The following BCL2L13 variants were observed in gnomAD, a reference collection of about 807,000 sequenced individuals.
The protein encoded by BCL2L13 is BCL2 like 13.
Under a neutral mutation model 25.8 loss-of-function variants are expected in BCL2L13, and 13 were observed. The ratio of observed to expected loss-of-function variants is 0.50; its 90% CI spans 0.33 to 0.80. BCL2L13 has a LOEUF of 0.80. BCL2L13 is among the 30% of genes least tolerant of loss of function. The pLI is 0.02. For synonymous variants in BCL2L13, 244 were observed against 230.3 expected (o/e 1.06, Z -0.54); for missense variants, 504 against 574.9 (o/e 0.88, Z 1.26).
intron 3 of BCL2L13, among the ~76,000 whole-genome samples, chr22:17,687,820 T>TA (rs1215047153): frequency 7.3e-6 from 1 of 136,328 alleles, no homozygotes; most frequent in Non-Finnish European, 1.6e-5. Context: ...CCCGGCCCCT[T>TA]TTTTTTTTTT....
chr22:17,708,266 CA>C (rs1861764006), intron 6 of BCL2L13, among the ~76,000 whole-genome samples: 2 of 150,454 alleles, frequency 1.3e-5, no homozygotes, highest in South Asian at 4.3e-4. Flanking sequence ...GCCATTAACT[CA>C]AAAGGTACTA....
At chr22:17,706,946 G>A (rs1033221970) in intron 6 of BCL2L13, 12 of 701,692 alleles carry the variant, frequency 1.7e-5, no homozygotes, top group African/African-American at 3.7e-5. Context: ...TAATATTTAA[G>A]TATTTTGAAT....
chr22:17,635,247 A>G (rs1246910974), upstream of BCL2L13, among the ~76,000 whole-genome samples: 1 of 151,874 alleles, frequency 6.6e-6, no homozygotes, highest in African/African-American at 2.4e-5. Context: ...AAAAAATTAA[A>G]TAAAAAAGGG....
intron 6 of BCL2L13, among the ~76,000 whole-genome samples, chr22:17,708,583 G>A (rs2060654848): frequency 6.6e-6 from 1 of 152,146 alleles, no homozygotes; most frequent in Non-Finnish European, 1.5e-5. Context: ...GTCATAGCAA[G>A]CTAAGGGACC....
At chr22:17,693,996 G>A (rs577999492) in intron 4 of BCL2L13, among the ~76,000 whole-genome samples, 1 of 151,868 alleles carries the variant, frequency 6.6e-6, no homozygotes, top group African/African-American at 2.4e-5. Context: ...GACTTCAAGC[G>A]ATCCACCTGC....
chr22:17,710,067 TAAAAAAA>T (rs71201876), intron 6 of BCL2L13, among the ~76,000 whole-genome samples: 16 of 91,806 alleles, frequency 1.7e-4, no homozygotes, highest in African/African-American at 5.1e-4. Flanking sequence ...GACCTTGTCT[TAAAAAAA>T]AAAAAAAAAA....
intron 6 of BCL2L13, among the ~76,000 whole-genome samples, chr22:17,709,637 T>C (rs976524857): frequency 6.6e-6 from 1 of 152,016 alleles, no homozygotes; most frequent in Non-Finnish European, 1.5e-5. Context: ...ATAGAAAGAT[T>C]AGCCAGGCAT....
Position 17,727,218 on chromosome 22 carries a change from A to G in BCL2L13, c.1142A>G (p.Asp381Gly), listed in dbSNP as rs1444653131. 3 of 1,614,252 alleles carry G rather than the reference A, an allele frequency of 1.9e-6. No homozygotes were observed. Among genetic ancestry groups the G allele is most frequent in the Admixed American group, 1.7e-5 (1 of 60,034 alleles). ...SPATSLFVEL[D>G]EEEVKAATTE... is the part of the protein sequence containing the mutation. Reference sequence around the variant, plus strand: ...GCTACATCTCTGTTTGTAGAACTTGATGAAGAAGAGGTGAAAGCAGCAACA... The same window carrying G: ...GCTACATCTCTGTTTGTAGAACTTGGTGAAGAAGAGGTGAAAGCAGCAACA... The change falls in exon 7 of 7, where the codon GAT becomes GGT. Residue 381 changes from aspartate to glycine, a missense_variant. By Grantham distance (94) the Asp-to-Gly change is moderately conservative. Transcript: ENST00000317582.
At chr22:17,680,484 A>G (rs1315124483) in intron 2 of BCL2L13, among the ~76,000 whole-genome samples, 5 of 130,606 alleles carry the variant, frequency 3.8e-5, no homozygotes, top group African/African-American at 1.2e-4. Flanking sequence ...ACTGCACTCC[A>G]GCCTGGGAGA....
At chr22:17,710,579 CA>C (rs975616698) in intron 6 of BCL2L13, among the ~76,000 whole-genome samples, 3 of 150,546 alleles carry the variant, frequency 2.0e-5, no homozygotes, top group Admixed American at 2.0e-4. Context: ...GACTCTGTCT[CA>C]AAAAAAAGTA....
At chr22:17,710,515 G>T (rs951789352) in intron 6 of BCL2L13, among the ~76,000 whole-genome samples, 1 of 152,090 alleles carries the variant, frequency 6.6e-6, no homozygotes, top group Non-Finnish European at 1.5e-5. Flanking sequence ...GGGAGGCGGA[G>T]GTTGCGGTGA....
intron 3 of BCL2L13, among the ~76,000 whole-genome samples, chr22:17,685,641 CATTA>C (rs1054357268): frequency 1.3e-5 from 2 of 151,188 alleles, no homozygotes; most frequent in South Asian, 4.2e-4. Flanking sequence ...TTTATTCATT[CATTA>C]GTTAATGGAA....
intron 5 of BCL2L13, among the ~76,000 whole-genome samples, chr22:17,699,466 G>A (rs1020982053): frequency 2.0e-5 from 3 of 152,134 alleles, no homozygotes; most frequent in Admixed American, 6.6e-5. Context: ...CATAGTGTAC[G>A]AAGAGATGTC....
intron 2 of BCL2L13, among the ~76,000 whole-genome samples, chr22:17,673,094 C>G (rs1458635082): frequency 1.3e-5 from 2 of 152,146 alleles, no homozygotes; most frequent in South Asian, 2.1e-4. Context: ...ATTAAATTCT[C>G]TGAAGTCTCA....
chr22:17,689,062 C>CT lies in BCL2L13; in HGVS notation c.307dup (p.Cys103LeufsTer19), dbSNP rs1331259995. The CT allele has an allele frequency of 2.5e-6, 4 of 1,614,080 alleles. No individual in the cohort carries two copies. The African/African-American group carries it at 5.3e-5, about 22-fold the overall frequency. On this transcript the variant is annotated frameshift_variant, in exon 4 of 7. Coordinates refer to ENST00000317582, the MANE Select transcript of BCL2L13 (RefSeq NM_015367.4). LOFTEE classifies it high-confidence loss of function. The stretch of plus-strand genomic sequence containing the variant: ...CCAATCCAGAAAGCTCAATGGAAGA[C>CT]TGCTTGGCCCATCTTGGAGAAAAAG...
intron 4 of BCL2L13, among the ~76,000 whole-genome samples, chr22:17,691,353 T>A (rs1169844560): frequency 1.3e-5 from 1 of 79,082 alleles, no homozygotes; most frequent in Non-Finnish European, 2.9e-5. Flanking sequence ...TTTAAAATAA[T>A]CTTTTTGTCC....
At chr22:17,647,934 C>T (rs2058549943) in intron 1 of BCL2L13, among the ~76,000 whole-genome samples, 1 of 152,064 alleles carries the variant, frequency 6.6e-6, no homozygotes, top group Admixed American at 6.6e-5. Context: ...CGAGACCATC[C>T]TGGCTAACAC....
chr22:17,651,077 T>C (rs2058667647), intron 1 of BCL2L13, among the ~76,000 whole-genome samples: 1 of 134,446 alleles, frequency 7.4e-6, no homozygotes, highest in Non-Finnish European at 1.5e-5. Flanking sequence ...CACTGCAACC[T>C]CTGCCTCCCA....
intron 2 of BCL2L13, among the ~76,000 whole-genome samples, chr22:17,667,083 G>A (rs1372397403): frequency 6.6e-6 from 1 of 152,178 alleles, no homozygotes; most frequent in Non-Finnish European, 1.5e-5. Flanking sequence ...GTTGTAAACA[G>A]TGTGCAGCAA....
Sources: allele counts gnomAD v4.1 joint callset (sites outside exome capture counted in the v4.1 genomes callset), GRCh38; gene constraint gnomAD v4.1.1; transcripts MANE v1.5; gene names NCBI Gene and HGNC (gene_info 2026-07-23, HGNC 2026-07-21).